The following GFRA1 variants were observed in gnomAD, a reference collection of about 807,000 sequenced individuals.
The protein encoded by GFRA1 is GDNF family receptor alpha-1.
GFRA1 carries 16 observed loss-of-function variants against 51.6 expected under a neutral mutation model. The observed-to-expected ratio is 0.31, with a 90% CI of 0.21 to 0.47. The LOEUF (loss-of-function observed/expected upper bound fraction) is 0.47, where lower values mean the gene tolerates loss of function less well. Ranked by LOEUF, GFRA1 falls within the 20% of genes least tolerant of loss-of-function variation. GFRA1 has a pLI of 1.00. For synonymous variants in GFRA1, 270 were observed against 241.3 expected, an observed-to-expected ratio of 1.12 and a Z score of -1.10; for missense variants, 530 against 594.3, an observed-to-expected ratio of 0.89 and a Z score of 1.13.
At chr10:116,174,456 A>T (rs1961380225) in intron 5 of GFRA1, among the ~76,000 whole-genome samples, 1 of 152,216 alleles carries the variant, frequency 6.6e-6, no homozygotes, top group South Asian at 2.1e-4. Context: ...TCTTGCTAAA[A>T]ATCAATAGTC....
At chr10:116,108,044 G>C (rs1193705766) in intron 6 of GFRA1, among the ~76,000 whole-genome samples, 4 of 152,074 alleles carry the variant, frequency 2.6e-5, no homozygotes, top group Non-Finnish European at 5.9e-5. Context: ...TAGTTTCTGA[G>C]AGCCCTGGGA....
At chr10:116,236,025 G>A (rs776294721) in intron 4 of GFRA1, among the ~76,000 whole-genome samples, 2 of 152,150 alleles carry the variant, frequency 1.3e-5, no homozygotes, top group African/African-American at 4.8e-5. Context: ...CTATCTCTGT[G>A]AGCCTTGTCA....
chr10:116,116,082 T>C (rs1419047826), intron 6 of GFRA1, among the ~76,000 whole-genome samples: 2 of 152,292 alleles, frequency 1.3e-5, no homozygotes, highest in Middle Eastern at 3.4e-3. Context: ...TCACCAGCAC[T>C]GTACTCTCTC....
intron 5 of GFRA1, among the ~76,000 whole-genome samples, chr10:116,180,034 C>T (rs371624924): frequency 4.6e-5 from 7 of 152,138 alleles, no homozygotes; most frequent in African/African-American, 1.2e-4. Context: ...TCCGGCAATC[C>T]GCAATTTGTC....
At chr10:116,223,059 T>A (rs1161287028) in intron 4 of GFRA1, among the ~76,000 whole-genome samples, 2 of 152,154 alleles carry the variant, frequency 1.3e-5, no homozygotes, top group African/African-American at 4.8e-5. Flanking sequence ...TAAGGGGTCC[T>A]GGAATCAATA....
At chr10:116,207,442 G>A (rs1025035914) in intron 5 of GFRA1, among the ~76,000 whole-genome samples, 3 of 152,160 alleles carry the variant, frequency 2.0e-5, no homozygotes, top group Non-Finnish European at 2.9e-5. Context: ...TTCCTGCCTG[G>A]CCTCACTCTG....
intron 10 of GFRA1, 30 bp from the exon 11 acceptor site, chr10:116,064,574 C>G: frequency 6.3e-7 from 1 of 1,588,578 alleles, no homozygotes; most frequent in Non-Finnish European, 8.6e-7. Context: ...CATTATCATC[C>G]ACTGCATGTC....
chr10:116,119,640 G>A (rs1957563275), intron 6 of GFRA1, among the ~76,000 whole-genome samples: 1 of 152,192 alleles, frequency 6.6e-6, no homozygotes, highest in Admixed American at 6.5e-5. Context: ...GGCAAGCCCG[G>A]ATATAGTGAT....
In GFRA1 at chr10:116,270,925, C is replaced by T. The variant is rs1156475842; in HGVS notation, c.231G>A (p.Glu77=). 3 of 1,614,072 alleles carry T rather than the reference C, an allele frequency of 1.9e-6. No individual in the cohort carries two copies. Among genetic ancestry groups the T allele is most frequent in the Non-Finnish European group, 2.5e-6 (3 of 1,180,058 alleles). The change falls in exon 3 of 11, where the codon GAG becomes GAA. Residue 77 remains glutamate (E), a synonymous_variant. Transcript: ENST00000355422. ...TGTAGAGCGACTTCTGCTTCAGGGC[C>T]TCCATGGCGCTGCGGCACTCATCCT... ...EAKDECRSAM[E]ALKQKSLYNC...
chr10:116,179,807 C>G (rs1962031738), intron 5 of GFRA1, among the ~76,000 whole-genome samples: 1 of 152,150 alleles, frequency 6.6e-6, no homozygotes, highest in African/African-American at 2.4e-5. Flanking sequence ...GAAGAATCAG[C>G]AGGGCTTTGG....
rs1589930824 is a variant in GFRA1 at position 116,272,137 on chromosome 10, C to T, written c.-108G>A. 1 of 981,898 alleles carries T rather than the reference C, an allele frequency of 1.0e-6. No homozygotes were observed. Among genetic ancestry groups the T allele is most frequent in the East Asian group, 2.6e-5 (1 of 38,262 alleles). 60.8% of individuals were successfully genotyped at this position (981,898 alleles called of 1,614,324 possible). On this transcript the variant is annotated 5_prime_UTR_variant, in exon 2 of 11. Coordinates refer to ENST00000355422, the MANE Select transcript of GFRA1 (RefSeq NM_005264.8). This position sits in a 1 kb window ranked among gnomAD's most constrained non-coding sequence, Gnocchi z 4.4. The stretch of plus-strand genomic sequence containing the variant: ...GCGATCCCCGGACAGCTGTGCTGCT[C>T]TGGCCGCCCAAAGTTCAGCTCCATC...
chr10:116,110,588 G>A (rs1248093919), intron 6 of GFRA1, among the ~76,000 whole-genome samples: 1 of 152,128 alleles, frequency 6.6e-6, no homozygotes, highest in Non-Finnish European at 1.5e-5. Flanking sequence ...TCAGCCCAAG[G>A]CTTCCAGGAT....
At chr10:116,171,971 C>T (rs1389217808) in intron 5 of GFRA1, among the ~76,000 whole-genome samples, 1 of 152,158 alleles carries the variant, frequency 6.6e-6, no homozygotes, top group East Asian at 1.9e-4. Context: ...GGTGGTTTTT[C>T]TTCTTCCCTG....
At chr10:116,198,624 G>A (rs567512409) in intron 5 of GFRA1, among the ~76,000 whole-genome samples, 3 of 152,256 alleles carry the variant, frequency 2.0e-5, no homozygotes, top group African/African-American at 7.2e-5. Context: ...TCTCTCCCAA[G>A]CCCTGGTTTC....
intron 4 of GFRA1, among the ~76,000 whole-genome samples, chr10:116,256,209 A>T (rs1968841020): frequency 6.6e-6 from 1 of 152,124 alleles, no homozygotes; most frequent in African/African-American, 2.4e-5. Context: ...CACAGCTACT[A>T]AGTGCTGGAA....
At chr10:116,196,596 A>AT (rs1963808551) in intron 5 of GFRA1, among the ~76,000 whole-genome samples, 1 of 13,464 alleles carries the variant, frequency 7.4e-5, no homozygotes, top group African/African-American at 1.2e-4. Flanking sequence ...TACTATATAT[A>AT]ATATATATAT....
At chr10:116,215,277 G>A (rs1056821298) in intron 4 of GFRA1, among the ~76,000 whole-genome samples, 1 of 152,176 alleles carries the variant, frequency 6.6e-6, no homozygotes, top group Non-Finnish European at 1.5e-5. Flanking sequence ...TTTCTGTTCT[G>A]TTGGCTACAT....
chr10:116,167,507 A>G (rs1960588453), intron 5 of GFRA1, among the ~76,000 whole-genome samples: 1 of 152,108 alleles, frequency 6.6e-6, no homozygotes, highest in Non-Finnish European at 1.5e-5. Context: ...ATTGGGCCCA[A>G]TGCCTGGCAT....
At chr10:116,128,471 A>G (rs1264671288) in intron 5 of GFRA1, among the ~76,000 whole-genome samples, 1 of 152,170 alleles carries the variant, frequency 6.6e-6, no homozygotes, top group African/African-American at 2.4e-5. Context: ...CATGCCTGTA[A>G]TCCCAGCACT....
Sources: gnomAD v4.1 joint callset for allele counts (sites outside exome capture counted in the v4.1 genomes callset) on GRCh38, gnomAD v4.1.1 for gene constraint, Gnocchi (gnomAD v3.1) non-coding constraint, MANE v1.5 for transcripts, NCBI Gene and HGNC (gene_info 2026-07-23, HGNC 2026-07-21) for gene names.